Variants in CSGALNACT1 observed in about 807,000 individuals in gnomAD.
CSGALNACT1 encodes beta4GalNAcT-1.
Under a neutral mutation model 51.0 loss-of-function variants are expected in CSGALNACT1, and 52 were observed. The ratio of observed to expected loss-of-function variants is 1.02; its 90% CI spans 0.82 to 1.29. The LOEUF (loss-of-function observed/expected upper bound fraction) is 1.29, where lower values mean the gene tolerates loss of function less well. Ranked by LOEUF, CSGALNACT1 falls within the 50% of genes most tolerant of loss-of-function variation. The pLI is 0.00. For missense variants in CSGALNACT1, 935 were observed against 679.2 expected (o/e 1.38, Z -4.19); for synonymous variants, 341 against 254.4 (o/e 1.34, Z -3.24).
chr8:19,705,307 C>T (rs2154225087), intron 1 of CSGALNACT1, among the ~76,000 whole-genome samples: 1 of 152,222 alleles, frequency 6.6e-6, no homozygotes, highest in East Asian at 1.9e-4. Context: ...ATCAAGAATT[C>T]CATTAACTCA....
In CSGALNACT1 at chr8:19,652,302, T is replaced by C. The variant is rs111602966; in HGVS notation, c.-544+30171A>G. The stretch of plus-strand genomic sequence containing the variant: ...TCACTGGTATGAGGTTGATTAATAA[T>C]AACTTTCCTTAAGGTAAATATTTGG... On this transcript the variant is annotated intron_variant, in intron 1 of 9. Coordinates refer to the CSGALNACT1 transcript ENST00000332246. 3.3e-5 allele frequency among the ~76,000 whole-genome samples: 5 copies of C among 152,280 alleles called. 1 individual carries two copies. The highest frequency in any genetic ancestry group is 1.2e-4 in the African/African-American group (5 of 41,556).
At chr8:19,575,594 C>T (rs972122696) in intron 3 of CSGALNACT1, among the ~76,000 whole-genome samples, 1 of 152,124 alleles carries the variant, frequency 6.6e-6, no homozygotes, top group African/African-American at 2.4e-5. Flanking sequence ...AAAACAAAAC[C>T]TTTGAAACAA....
chr8:19,506,193 C>T (rs771229620), intron 3 of CSGALNACT1, 63 bp from the exon 3 acceptor site: 20 of 472,706 alleles, frequency 4.2e-5, no homozygotes, highest in Admixed American at 1.9e-4. Flanking sequence ...ATGTTCCCTA[C>T]GGCAATCAAT....
intron 4 of CSGALNACT1, among the ~76,000 whole-genome samples, chr8:19,466,304 T>A (rs2066655031): frequency 6.6e-6 from 1 of 152,140 alleles, no homozygotes; most frequent in Non-Finnish European, 1.5e-5. Flanking sequence ...CTGAAATCAT[T>A]TAATATACTT....
At chr8:19,741,649 T>A (rs1170559502) in intron 1 of CSGALNACT1, among the ~76,000 whole-genome samples, 1 of 151,512 alleles carries the variant, frequency 6.6e-6, no homozygotes. Context: ...CAAGGCTCCA[T>A]GAACTATAGG....
intron 1 of CSGALNACT1, among the ~76,000 whole-genome samples, chr8:19,747,064 C>T (rs972971196): frequency 6.6e-6 from 1 of 152,222 alleles, no homozygotes; most frequent in African/African-American, 2.4e-5. Flanking sequence ...AGCAACCAGA[C>T]AATTTTACAA....
intron 1 of CSGALNACT1, among the ~76,000 whole-genome samples, chr8:19,731,739 T>A (rs912185933): frequency 1.2e-4 from 19 of 152,154 alleles, no homozygotes; most frequent in Admixed American, 1.2e-3. Context: ...CTATGTATAT[T>A]TTACCACAAT....
intron 5 of CSGALNACT1, among the ~76,000 whole-genome samples, chr8:19,454,011 A>T (rs1390512847): frequency 1.3e-5 from 2 of 152,322 alleles, no homozygotes; most frequent in South Asian, 2.1e-4. Flanking sequence ...CTAATGAAGG[A>T]ATTTTTCAGG....
chr8:19,689,293 T>C (rs1251125258), intron 1 of CSGALNACT1, among the ~76,000 whole-genome samples: 9 of 152,094 alleles, frequency 5.9e-5, no homozygotes, highest in African/African-American at 2.2e-4. Flanking sequence ...CATGGCGTGT[T>C]CTACATGAAG....
At chr8:19,536,526 G>C (rs2083785969) in intron 3 of CSGALNACT1, among the ~76,000 whole-genome samples, 3 of 152,038 alleles carry the variant, frequency 2.0e-5, no homozygotes, top group Admixed American at 2.0e-4. Flanking sequence ...AAATCTAAAT[G>C]AATAGATGCA....
intron 1 of CSGALNACT1, among the ~76,000 whole-genome samples, chr8:19,609,904 G>A (rs1016301870): frequency 1.1e-4 from 16 of 152,056 alleles, no homozygotes; most frequent in Admixed American, 5.2e-4. Flanking sequence ...GTGCTGGGAC[G>A]GGAGGAGCAT....
intron 3 of CSGALNACT1, among the ~76,000 whole-genome samples, chr8:19,528,194 G>A (rs1377869896): frequency 6.6e-6 from 1 of 151,722 alleles, no homozygotes; most frequent in African/African-American, 2.4e-5. Flanking sequence ...ACGTATCCCG[G>A]TCATGTTCTC....
At chr8:19,721,459 G>T (rs567757910) in intron 1 of CSGALNACT1, among the ~76,000 whole-genome samples, 1 of 152,186 alleles carries the variant, frequency 6.6e-6, no homozygotes, top group Non-Finnish European at 1.5e-5. Flanking sequence ...ATCCTAGTCC[G>T]CACATGGTTC....
chr8:19,629,368 A>G (rs2054897682), intron 1 of CSGALNACT1, among the ~76,000 whole-genome samples: 1 of 152,244 alleles, frequency 6.6e-6, no homozygotes, highest in African/African-American at 2.4e-5. Context: ...GTGCTATGCC[A>G]GGACCCATAT....
chr8:19,746,414 G>T (rs888437175), intron 1 of CSGALNACT1, among the ~76,000 whole-genome samples: 1 of 152,136 alleles, frequency 6.6e-6, no homozygotes, highest in Non-Finnish European at 1.5e-5. Context: ...TAATGATGTT[G>T]CAGAGCCCAT....
At chr8:19,652,082 A>T (rs2057863278) in intron 1 of CSGALNACT1, among the ~76,000 whole-genome samples, 1 of 151,724 alleles carries the variant, frequency 6.6e-6, no homozygotes, top group South Asian at 2.1e-4. Flanking sequence ...CGTGTACACC[A>T]CCACACCCAG....
chr8:19,458,531 A>G, exon 5 of CSGALNACT1: 1 of 1,614,148 alleles, frequency 6.2e-7, no homozygotes. Context: ...TTTCACTTTC[A>G]TGATGGGGCC....
intron 3 of CSGALNACT1, among the ~76,000 whole-genome samples, chr8:19,584,881 T>C (rs2046302045): frequency 6.6e-6 from 1 of 152,152 alleles, no homozygotes; most frequent in South Asian, 2.1e-4. Context: ...AAGCAAGGGA[T>C]GGTGACACTG....
intron 1 of CSGALNACT1, among the ~76,000 whole-genome samples, chr8:19,657,471 C>T (rs1337817768): frequency 6.6e-6 from 1 of 152,164 alleles, no homozygotes; most frequent in South Asian, 2.1e-4. Context: ...ATAACAAACT[C>T]ACCATACCTA....
Sources: gnomAD v4.1 joint callset for allele counts (sites outside exome capture counted in the v4.1 genomes callset) on GRCh38, gnomAD v4.1.1 for gene constraint, MANE v1.5 for transcripts, NCBI Gene and HGNC (gene_info 2026-07-23, HGNC 2026-07-21) for gene names.